The following IFT140 variants were observed in gnomAD, a reference collection of about 807,000 sequenced individuals.
IFT140 encodes intraflagellar transport protein 140 homolog.
Under a neutral mutation model 164.6 loss-of-function variants are expected in IFT140, and 133 were observed. The ratio of observed to expected loss-of-function variants is 0.81; its 90% CI spans 0.70 to 0.93. IFT140 has a LOEUF of 0.93. IFT140 is among the 40% of genes least tolerant of loss of function. IFT140 has a pLI of 0.00. For missense variants in IFT140, 2,045 were observed against 1,972.3 expected (o/e 1.04, Z -0.70); for synonymous variants, 860 against 817.3 (o/e 1.05, Z -0.89).
In IFT140 at chr16:1,526,758, T is replaced by C; in HGVS notation, c.2438A>G (p.Lys813Arg). 1 of 1,610,716 alleles carries C rather than the reference T, an allele frequency of 6.2e-7. No homozygotes were observed. The highest frequency in any genetic ancestry group is 8.5e-7 in the Non-Finnish European group (1 of 1,179,270). Residue 813 changes from lysine to arginine, a missense_variant, in exon 20 of 31, where the codon AAG becomes AGG. Lys to Arg is a conservative substitution (Grantham distance 26). Transcript: ENST00000426508. ...VWENMARMCV[K>R]TQRLDVAKVC... The stretch of plus-strand genomic sequence containing the variant: ...CTTGGCCACGTCCAGCCGCTGGGTC[T>C]TCACGCACATGCGCGCCATGTTCTC...
At chr16:1,516,482 C>T (rs1472777066) in intron 30 of IFT140, among the ~76,000 whole-genome samples, 1 of 151,726 alleles carries the variant, frequency 6.6e-6, no homozygotes, top group Admixed American at 6.6e-5. Flanking sequence ...AAAAATAGTC[C>T]ACTAAGGCCA....
At chr16:1,592,993 AG>A (rs1343658975) in intron 4 of IFT140, among the ~76,000 whole-genome samples, 1 of 151,378 alleles carries the variant, frequency 6.6e-6, no homozygotes, top group East Asian at 2.0e-4. Flanking sequence ...GTGGAGGGAC[AG>A]GTGTCCTGGC....
chr16:1,522,323 C>T (rs1412978565), intron 26 of IFT140, among the ~76,000 whole-genome samples: 2 of 151,966 alleles, frequency 1.3e-5, no homozygotes, highest in Non-Finnish European at 2.9e-5. Context: ...TGCCACTGGA[C>T]TGCAGTCTGG....
rs867516618 is a variant in IFT140 at position 1,523,600 on chromosome 16, G to T, written c.3371C>A (p.Ala1124Glu). ...AEDLDETSDP[A>E]LLARCSDFFI... ...GAAGTCGGAGCAGCGGGCCAGGAGC[G>T]CAGGGTCTGACGTCTCATCCAGGTC... Residue 1124 changes from alanine (A) to glutamate (E), a missense_variant, in exon 26 of 31, where the codon GCG becomes GAG. Physicochemically the swap from Ala to Glu is moderately radical, Grantham distance 107. Coordinates refer to ENST00000426508, the MANE Select transcript of IFT140 (RefSeq NM_014714.4). 1 of 1,613,876 alleles carries T rather than the reference G, an allele frequency of 6.2e-7. No individual in the cohort carries two copies. The highest frequency in any genetic ancestry group is 8.5e-7 in the Non-Finnish European group (1 of 1,180,016).
chr16:1,580,178 C>T (rs1292213592), intron 13 of IFT140: 1 of 152,328 alleles, frequency 6.6e-6, no homozygotes, highest in Admixed American at 6.5e-5. Context: ...GCAAAAGGTC[C>T]TTGCCTTGTC....
In IFT140 at chr16:1,583,261, A is replaced by C; in HGVS notation, c.1432+53T>G. ...ACAGTGGCCCTCTCATTAGGCAGGG[A>C]GGAAATAAAGCCAGGTAGTGGGAGT... On this transcript the variant is annotated intron_variant, in intron 12 of 30. Transcript: ENST00000426508. 2.0e-6 allele frequency: 3 copies of C among 1,479,398 alleles called. No individual in the cohort carries two copies. In the South Asian group the frequency reaches 3.4e-5, roughly 17 times the overall value. The allele number at this position is 1,479,398 out of a possible 1,614,324, so 91.6% of individuals were successfully genotyped here.
intron 30 of IFT140, among the ~76,000 whole-genome samples, chr16:1,517,251 G>A (rs1425572386): frequency 1.3e-5 from 2 of 151,932 alleles, no homozygotes; most frequent in African/African-American, 2.4e-5. Context: ...TTGGGAGGCT[G>A]AGGCAGGAGA....
At chr16:1,590,668 C>T (rs1227654120) in intron 6 of IFT140, among the ~76,000 whole-genome samples, 1 of 152,224 alleles carries the variant, frequency 6.6e-6, no homozygotes, top group Non-Finnish European at 1.5e-5. Context: ...GGGACTCAGG[C>T]TCATTTTTGC....
chr16:1,583,538 A>G (rs1233129689), intron 11 of IFT140, 152 bp from the exon 12 acceptor site: 2 of 614,552 alleles, frequency 3.3e-6, no homozygotes, highest in African/African-American at 3.7e-5. Context: ...TCCTCTGTGG[A>G]CAGGCTGAGG....
rs373564205 is a variant in IFT140, at chr16:1,523,905, C to T, written c.3193G>A (p.Glu1065Lys). Residue 1065 changes from glutamate to lysine, a missense_variant, in exon 25 of 31, where the codon GAG becomes AAG. By Grantham distance (56) the Glu-to-Lys change is moderately conservative. Transcript: ENST00000426508. Reference protein sequence around the residue: ...LMNLALLSSPEDMIEAARYYE... With the variant: ...LMNLALLSSPKDMIEAARYYE... ...TATCGGGCCGCCTCGATCATGTCCT[C>T]GGGGGAGCTCAGCAGGGCCAAGTTC... The T allele has an allele frequency of 1.8e-5, 29 of 1,613,364 alleles. No individual in the cohort carries two copies. Among genetic ancestry groups the T allele is most frequent in the South Asian group, 1.2e-4 (11 of 91,074 alleles).
chr16:1,599,541 C>T (rs1567424090), intron 4 of IFT140, among the ~76,000 whole-genome samples: 1 of 60,988 alleles, frequency 1.6e-5, no homozygotes, highest in Non-Finnish European at 3.1e-5. Context: ...AGCCCCCCTG[C>T]CCGGCCAGCC....
chr16:1,518,392 G>A, intron 29 of IFT140, 35 bp from the exon 30 acceptor site: 1 of 1,596,532 alleles, frequency 6.3e-7, no homozygotes, highest in South Asian at 1.1e-5. Context: ...GGGCCCCGAA[G>A]CCCTGAACAC....
chr16:1,572,084 C>T (rs992076735), intron 13 of IFT140, among the ~76,000 whole-genome samples: 1 of 152,044 alleles, frequency 6.6e-6, no homozygotes, highest in Non-Finnish European at 1.5e-5. Context: ...CGCGAAAAGC[C>T]CCTGCACCGT....
At chr16:1,546,458 C>T (rs1453692707) in intron 19 of IFT140, among the ~76,000 whole-genome samples, 1 of 152,208 alleles carries the variant, frequency 6.6e-6, no homozygotes, top group Non-Finnish European at 1.5e-5. Context: ...CTGGTGTGAT[C>T]TGTGCAGTGG....
At chr16:1,522,452 T>G (rs1414444864) in intron 26 of IFT140, among the ~76,000 whole-genome samples, 1 of 152,190 alleles carries the variant, frequency 6.6e-6, no homozygotes, top group Non-Finnish European at 1.5e-5. Flanking sequence ...GGAGAATCAC[T>G]TGAACCCGGG....
chr16:1,524,675 C>A lies in IFT140; in HGVS notation c.3018G>T (p.Glu1006Asp). ...GGTAGGAGGCCGCCAGGTTTCCTGTCTCGTTGGCTATTTGCGCAGCCTAGA... is the reference window on the plus strand; with the variant it reads ...GGTAGGAGGCCGCCAGGTTTCCTGTATCGTTGGCTATTTGCGCAGCCTAGA... Reference protein sequence around the residue: ...NVQKAAQIANETGNLAASYHL... With the variant: ...NVQKAAQIANDTGNLAASYHL... The change falls in exon 24 of 31, where the codon GAG becomes GAT. Residue 1006 changes from glutamate to aspartate, a missense_variant. Physicochemically the swap from Glu to Asp is conservative, Grantham distance 45. Transcript: ENST00000426508. The A allele has an allele frequency of 6.3e-7, 1 of 1,576,310 alleles. No individual in the cohort carries two copies. The highest frequency in any genetic ancestry group is 1.1e-5 in the South Asian group (1 of 87,518).
chr16:1,511,394 A>G (rs75914468), intron 30 of IFT140, among the ~76,000 whole-genome samples: 2 of 152,330 alleles, frequency 1.3e-5, no homozygotes, highest in East Asian at 3.9e-4. Context: ...TCAGCATTTC[A>G]GCTGGAAATG....
intron 2 of IFT140, among the ~76,000 whole-genome samples, chr16:1,608,052 C>T (rs997687478): frequency 6.6e-6 from 1 of 152,108 alleles, no homozygotes; most frequent in Non-Finnish European, 1.5e-5. Context: ...CAAAGACTGT[C>T]TTTTACCTCT....
chr16:1,549,382 G>A (rs907931671), intron 19 of IFT140, among the ~76,000 whole-genome samples: 2 of 152,240 alleles, frequency 1.3e-5, no homozygotes, highest in African/African-American at 2.4e-5. Flanking sequence ...CGAGTGAAGC[G>A]CGGCTCCCAG....
Sources: gnomAD v4.1 joint callset for allele counts (sites outside exome capture counted in the v4.1 genomes callset) on GRCh38, gnomAD v4.1.1 for gene constraint, MANE v1.5 for transcripts, NCBI Gene and HGNC (gene_info 2026-07-23, HGNC 2026-07-21) for gene names.